Variants in LAMA3 observed in about 807,000 individuals in gnomAD.
LAMA3 encodes the protein laminin subunit alpha 3, also known as laminin subunit alpha-3.
A neutral mutation model predicts 402.0 loss-of-function variants in LAMA3; 281 were observed. The observed-to-expected ratio is 0.70, with a 90% confidence interval of 0.63 to 0.77. The LOEUF (loss-of-function observed/expected upper bound fraction) is 0.77. Ranked by LOEUF, LAMA3 falls within the 30% of genes least tolerant of loss-of-function variation. The pLI, the probability that LAMA3 is intolerant of heterozygous loss-of-function variation, is 0.00. For synonymous variants in LAMA3, 1,431 were observed against 1,558.4 expected (o/e 0.92, Z 1.93); for missense variants, 3,840 against 4,215.5 (o/e 0.91, Z 2.47).
In LAMA3 at chr18:23,847,625, G is replaced by A. The variant is rs569087053; in HGVS notation, c.4093G>A (p.Glu1365Lys). 5.6e-6 allele frequency: 9 copies of A among 1,613,982 alleles called. No homozygotes were observed. Among genetic ancestry groups the A allele is most frequent in the East Asian group, 4.5e-5 (2 of 44,874 alleles). The change falls in exon 32 of 75, where the codon GAG (glutamate) becomes AAG (lysine). Residue 1365 changes from glutamate (E) to lysine (K), a missense_variant. By Grantham distance (56) the Glu-to-Lys change is moderately conservative. Around this residue, in one of 3 missense-constraint regions of LAMA3, gnomAD observed 2,109 missense variants for 2,376.0 expected, o/e 0.89. Transcript: ENST00000313654. ...CAACTGTTCCAGGAGGGGCACCATCGAGGCTGCCATGCCGGAGTGTGACCG... is the reference window on the plus strand; with the variant it reads ...CAACTGTTCCAGGAGGGGCACCATCAAGGCTGCCATGCCGGAGTGTGACCG... Reference protein sequence around the residue: ...GCNCSRRGTIEAAMPECDRDS... With the variant: ...GCNCSRRGTIKAAMPECDRDS...
chr18:23,789,353 G>C (rs934882945), intron 12 of LAMA3, among the ~76,000 whole-genome samples: 1 of 152,126 alleles, frequency 6.6e-6, no homozygotes, highest in Non-Finnish European at 1.5e-5. Flanking sequence ...ACACATCCAC[G>C]CAGTAACTTG....
chr18:23,919,236 A>T (rs2081747279), intron 60 of LAMA3, among the ~76,000 whole-genome samples: 1 of 152,116 alleles, frequency 6.6e-6, no homozygotes, highest in African/African-American at 2.4e-5. Context: ...ATAAGGACTG[A>T]TTTTCCTCTT....
chr18:23,743,870 T>C (rs2061604334), intron 2 of LAMA3, among the ~76,000 whole-genome samples: 1 of 152,168 alleles, frequency 6.6e-6, no homozygotes, highest in Non-Finnish European at 1.5e-5. Context: ...AACTTTGCCT[T>C]TCTACCTACA....
intron 2 of LAMA3, among the ~76,000 whole-genome samples, chr18:23,747,180 T>G (rs1168589566): frequency 3.3e-5 from 5 of 152,104 alleles, no homozygotes; most frequent in Non-Finnish European, 7.3e-5. Context: ...TACCAGGCTC[T>G]TTGGGAAATA....
intron 2 of LAMA3, 35 bp downstream of exon 2, chr18:23,714,107 G>C: frequency 6.3e-7 from 1 of 1,590,574 alleles, no homozygotes; most frequent in East Asian, 2.2e-5. Flanking sequence ...GGGAACATGA[G>C]CTTAGATCAC....
intron 12 of LAMA3, among the ~76,000 whole-genome samples, chr18:23,807,457 A>AGAGT (rs74706068): frequency 4.7e-5 from 7 of 149,082 alleles, no homozygotes; most frequent in Middle Eastern, 3.5e-3. Context: ...ATATTGTGTG[A>AGAGT]GTGTGTGTGT....
intron 1 of LAMA3, among the ~76,000 whole-genome samples, chr18:23,704,170 G>C (rs2060842618): frequency 6.6e-6 from 1 of 152,242 alleles, no homozygotes; most frequent in Admixed American, 6.5e-5. Flanking sequence ...TTTTGTGCCT[G>C]CCACAAGGGC....
Position 23,815,312 on chromosome 18 carries a change from GTGTGTTAGTACTTC to G in LAMA3, c.1941+76_1941+89del. On this transcript the variant is annotated intron_variant, in intron 16 of 74. Coordinates refer to ENST00000313654, the MANE Select transcript of LAMA3 (RefSeq NM_198129.4). ...AACTGCTTGTGGGGTTTCTGGGGGC[GTGTGTTAGTACTTC>G]TGTCATTCTACAGTGCATGGTAATC... 6 of 1,453,406 alleles carry G rather than the reference GTGTGTTAGTACTTC, an allele frequency of 4.1e-6. No individual in the cohort carries two copies. The South Asian group carries it at 6.9e-5, about 17-fold the overall frequency. 90.0% of individuals were successfully genotyped at this position (1,453,406 alleles called of 1,614,324 possible).
chr18:23,835,737 G>T (rs182304066), intron 24 of LAMA3, among the ~76,000 whole-genome samples: 1 of 152,074 alleles, frequency 6.6e-6, no homozygotes, highest in African/African-American at 2.4e-5. Context: ...AAAATATGGC[G>T]CAACTGGAAA....
chr18:23,921,104 T>C, intron 61 of LAMA3, 50 bp downstream of exon 61: 1 of 1,600,956 alleles, frequency 6.2e-7, no homozygotes, highest in Non-Finnish European at 8.5e-7. Context: ...CCTTAGTCCT[T>C]TAAAATTAAG....
At position 23,924,739 on chromosome 18, in the gene LAMA3, T is replaced by A. The variant is rs542835935; in HGVS notation, c.8177+3154T>A. Reference sequence around the variant, plus strand: ...TGTGTTTTTAGTAGAGACGGGGTTTTGCCATGTTGGTCTGGCTGGTCTCGA... The same window carrying A: ...TGTGTTTTTAGTAGAGACGGGGTTTAGCCATGTTGGTCTGGCTGGTCTCGA... On this transcript the variant is annotated intron_variant, in intron 62 of 74. Transcript: ENST00000313654. Among the ~76,000 whole-genome samples, 4 of 151,670 alleles carry A rather than the reference T, an allele frequency of 2.6e-5. No individual in the cohort carries two copies. The South Asian group carries it at 8.4e-4, about 32-fold the overall frequency.
chr18:23,689,658 C>T lies in LAMA3; in HGVS notation c.-26C>T, dbSNP rs1480444452. On this transcript the variant is annotated 5_prime_UTR_variant, in exon 1 of 75. Coordinates refer to ENST00000313654, the MANE Select transcript of LAMA3 (RefSeq NM_198129.4). ...CCCCCGAGCCCCTCTGCGGACGGCT[C>T]AGGCGGGAGGACCCCGCGCGGCTGG... 2 of 1,299,820 alleles carry T rather than the reference C, an allele frequency of 1.5e-6. No homozygotes were observed. Among genetic ancestry groups the T allele is most frequent in the Admixed American group, 4.2e-5 (1 of 23,656 alleles). 80.5% of individuals were successfully genotyped at this position (1,299,820 alleles called of 1,614,324 possible).
chr18:23,732,266 G>A (rs1301404369), intron 2 of LAMA3, among the ~76,000 whole-genome samples: 3 of 152,190 alleles, frequency 2.0e-5, no homozygotes, highest in Non-Finnish European at 4.4e-5. Context: ...TGAGGCAAAG[G>A]CTGGGGCTAG....
intron 64 of LAMA3, among the ~76,000 whole-genome samples, chr18:23,929,982 AG>A (rs759833078): frequency 6.6e-6 from 1 of 152,240 alleles, no homozygotes; most frequent in Non-Finnish European, 1.5e-5. Context: ...GGTTAGCTAA[AG>A]ATACATATAA....
rs143872982 is a variant in LAMA3 at position 23,949,803 on chromosome 18, C to A, written c.9390C>A (p.Asn3130Lys). ...ACAGCTTTGTGGGATGCCTGAAGAA[C>A]TTTCAGCTGGATTCAAAACCCTTGT... is the stretch of plus-strand genomic sequence containing the variant. ...PTNSFVGCLKNFQLDSKPLYT... is the reference protein window; with the variant it reads ...PTNSFVGCLKKFQLDSKPLYT... The change falls in exon 71 of 75, where the codon AAC becomes AAA. Residue 3130 changes from asparagine to lysine, a missense_variant. By Grantham distance (94) the Asn-to-Lys change is moderately conservative (BLOSUM62 0). This residue lies in a region of LAMA3 where 840 missense variants were observed against 981.9 expected (regional missense o/e 0.86). Transcript: ENST00000313654. 2 of 1,613,914 alleles carry A rather than the reference C, an allele frequency of 1.2e-6. No individual in the cohort carries two copies. The highest frequency in any genetic ancestry group is 1.3e-5 in the African/African-American group (1 of 74,882).
intron 5 of LAMA3, among the ~76,000 whole-genome samples, chr18:23,752,786 T>C (rs1362778369): frequency 1.3e-5 from 2 of 152,192 alleles, no homozygotes; most frequent in East Asian, 3.8e-4. Flanking sequence ...ATTAAATCAA[T>C]AGAGCTCTTT....
In LAMA3 at chr18:23,749,617, T is replaced by C. The variant is rs1471878345; in HGVS notation, c.684+71T>C. ...CATGAGGATATCCAATTTTTCATAATTGCGAAACTTGCACTTTCAAGGACA... is the reference window on the plus strand; with the variant it reads ...CATGAGGATATCCAATTTTTCATAACTGCGAAACTTGCACTTTCAAGGACA... On this transcript the variant is annotated intron_variant, in intron 4 of 74. Coordinates refer to ENST00000313654, the MANE Select transcript of LAMA3 (RefSeq NM_198129.4). The C allele has an allele frequency of 4.4e-6, 4 of 915,180 alleles. No homozygotes were observed. The East Asian group carries it at 9.6e-5, about 22-fold the overall frequency. 56.7% of individuals were successfully genotyped at this position (915,180 alleles called of 1,614,324 possible). A position where few individuals can be genotyped will look rare whatever the true frequency, so the allele number is the denominator to read the frequency against.
chr18:23,803,388 A>T (rs184582648), intron 12 of LAMA3, among the ~76,000 whole-genome samples: 3 of 152,264 alleles, frequency 2.0e-5, no homozygotes, highest in Admixed American at 2.0e-4. Flanking sequence ...CCCTGCCCCC[A>T]TGGCTACTTT....
At chr18:23,763,067 G>A (rs1006077307) in intron 7 of LAMA3, among the ~76,000 whole-genome samples, 2 of 152,080 alleles carry the variant, frequency 1.3e-5, no homozygotes, top group East Asian at 3.9e-4. Flanking sequence ...ATATTGGCCA[G>A]GCTGGTCTCG....
Sources: gnomAD v4.1 joint callset for allele counts (sites outside exome capture counted in the v4.1 genomes callset) on GRCh38, gnomAD v4.1.1 for gene constraint, gnomAD v4.1.1 regional missense constraint, MANE v1.5 for transcripts, NCBI Gene and HGNC (gene_info 2026-07-23, HGNC 2026-07-21) for gene names.